The following CSMD1 variants were observed in gnomAD, a reference collection of about 807,000 sequenced individuals.
CSMD1 encodes CUB and Sushi multiple domains 1.
CSMD1 carries 213 observed loss-of-function variants against 417.5 expected under a neutral mutation model. The observed-to-expected ratio is 0.51, with a 90% CI of 0.46 to 0.57. The LOEUF is 0.57. Ranked by LOEUF, CSMD1 falls within the 20% of genes least tolerant of loss-of-function variation. The pLI, the probability that CSMD1 is intolerant of heterozygous loss-of-function variation, is 0.00. For missense variants in CSMD1, 6,923 were observed against 4,529.7 expected (o/e 1.53, Z -15.17); for synonymous variants, 2,862 against 1,736.8 (o/e 1.65, Z -16.11).
chr8:3,958,788 A>G (rs1812136623), intron 5 of CSMD1, among the ~76,000 whole-genome samples: 1 of 152,216 alleles, frequency 6.6e-6, no homozygotes, highest in Admixed American at 6.5e-5. Context: ...GAGGAACGAC[A>G]TTATGGCTTT....
intron 4 of CSMD1, among the ~76,000 whole-genome samples, chr8:3,998,641 G>T (rs748553844): frequency 6.6e-6 from 1 of 152,114 alleles, no homozygotes; most frequent in Non-Finnish European, 1.5e-5. Flanking sequence ...TCATAAAAAG[G>T]TTCTGAGTAG....
chr8:4,604,920 G>C (rs117117164), intron 2 of CSMD1, among the ~76,000 whole-genome samples: 1 of 152,112 alleles, frequency 6.6e-6, no homozygotes, highest in Non-Finnish European at 1.5e-5. Flanking sequence ...TCATGCTTGC[G>C]CATGTCAGAT....
At chr8:4,691,152 G>C (rs970060462) in intron 1 of CSMD1, among the ~76,000 whole-genome samples, 1 of 152,188 alleles carries the variant, frequency 6.6e-6, no homozygotes, top group African/African-American at 2.4e-5. Context: ...TGCAAGGGAA[G>C]GAAGTGAAGG....
chr8:4,770,291 AATAT>A (rs1171132649), intron 1 of CSMD1, among the ~76,000 whole-genome samples: 1 of 148,154 alleles, frequency 6.7e-6, no homozygotes, highest in Non-Finnish European at 1.5e-5. Context: ...TGTGTATGGG[AATAT>A]ATATTATATA....
Position 4,191,717 on chromosome 8 carries a change from T to A in CSMD1, c.416-159618A>T, listed in dbSNP as rs149140024. 4.4e-3 allele frequency among the ~76,000 whole-genome samples: 647 copies of A among 145,718 alleles called. 4 individuals are homozygous for A. The highest frequency in any genetic ancestry group is 8.3e-3 in the South Asian group (37 of 4,440). On this transcript the variant is annotated intron_variant, in intron 3 of 69. Coordinates refer to ENST00000635120, the MANE Select transcript of CSMD1 (RefSeq NM_033225.6). ...CCTTTACCAAATATATATACTCTCC[T>A]TCCACTGAAAAAAGGGAAGGTCATT... is the stretch of plus-strand genomic sequence containing the variant.
chr8:3,225,025 G>A (rs958361019), intron 27 of CSMD1, among the ~76,000 whole-genome samples: 2 of 151,964 alleles, frequency 1.3e-5, no homozygotes, highest in Non-Finnish European at 2.9e-5. Flanking sequence ...TCCCATTATT[G>A]GTCACACATG....
intron 3 of CSMD1, among the ~76,000 whole-genome samples, chr8:4,166,257 T>C (rs1446023062): frequency 1.3e-5 from 2 of 152,228 alleles, no homozygotes; most frequent in Non-Finnish European, 2.9e-5. Context: ...CAATATGCAT[T>C]TGATATAAAA....
chr8:3,544,097 T>G (rs1173289887), intron 10 of CSMD1, among the ~76,000 whole-genome samples: 1 of 152,078 alleles, frequency 6.6e-6, no homozygotes, highest in Non-Finnish European at 1.5e-5. Flanking sequence ...CCAGAGCGAC[T>G]CCATCTTGAG....
chr8:3,851,616 A>G (rs1379347506), intron 5 of CSMD1, among the ~76,000 whole-genome samples: 1 of 152,224 alleles, frequency 6.6e-6, no homozygotes, highest in African/African-American at 2.4e-5. Flanking sequence ...TCACTGGAGA[A>G]AAAAACATCC....
intron 3 of CSMD1, among the ~76,000 whole-genome samples, chr8:4,199,090 C>T (rs1799503471): frequency 2.0e-5 from 3 of 152,266 alleles, no homozygotes; most frequent in Non-Finnish European, 2.9e-5. Flanking sequence ...AGCCAGCGCC[C>T]AGCTCACCCT....
At chr8:3,789,295 A>T (rs1389852886) in intron 5 of CSMD1, among the ~76,000 whole-genome samples, 1 of 151,672 alleles carries the variant, frequency 6.6e-6, no homozygotes, top group Non-Finnish European at 1.5e-5. Context: ...CAAGCTTCCC[A>T]GTTTATATTT....
intron 3 of CSMD1, among the ~76,000 whole-genome samples, chr8:4,286,326 ATTCTT>A (rs1383965620): frequency 1.3e-5 from 2 of 152,108 alleles, no homozygotes; most frequent in Non-Finnish European, 2.9e-5. Flanking sequence ...ACTTTGGAAC[ATTCTT>A]TTATTTTTAA....
At chr8:3,425,472 C>A (rs924198957) in intron 12 of CSMD1, among the ~76,000 whole-genome samples, 4 of 151,556 alleles carry the variant, frequency 2.6e-5, no homozygotes. Flanking sequence ...CCTGTAATCT[C>A]AGCTACTTGG....
chr8:4,935,061 C>G (rs1017173394), intron 1 of CSMD1, among the ~76,000 whole-genome samples: 1 of 152,204 alleles, frequency 6.6e-6, no homozygotes, highest in African/African-American at 2.4e-5. Context: ...TGCAGATAAA[C>G]TTAAAATCCC....
chr8:2,982,314 C>G (rs886662924), intron 54 of CSMD1, among the ~76,000 whole-genome samples: 1 of 152,160 alleles, frequency 6.6e-6, no homozygotes, highest in African/African-American at 2.4e-5. Flanking sequence ...CGAGATCATG[C>G]CACTGCACTG....
intron 26 of CSMD1, among the ~76,000 whole-genome samples, chr8:3,251,000 C>A (rs942389431): frequency 2.0e-5 from 3 of 152,000 alleles, no homozygotes; most frequent in Admixed American, 2.0e-4. Flanking sequence ...AAATTTTCTC[C>A]CATTTTGTAG....
At chr8:4,086,064 C>CA (rs2130830442) in intron 3 of CSMD1, among the ~76,000 whole-genome samples, 1 of 152,302 alleles carries the variant, frequency 6.6e-6, no homozygotes, top group Non-Finnish European at 1.5e-5. Flanking sequence ...CAAGTATCAA[C>CA]AAACGTATTT....
At chr8:3,134,307 C>G (rs744647) in intron 41 of CSMD1, among the ~76,000 whole-genome samples, 25,166 of 152,198 alleles carry the variant, frequency 0.17, 3,894 homozygotes, top group African/African-American at 0.42. Context: ...GTTCCTGAAC[C>G]ATGACCCTGG....
intron 54 of CSMD1, among the ~76,000 whole-genome samples, chr8:2,990,844 G>A (rs181926959): frequency 6.6e-6 from 1 of 152,322 alleles, no homozygotes; most frequent in East Asian, 1.9e-4. Context: ...TTGAGCAAAT[G>A]AGATAGTTTG....
Sources: allele counts gnomAD v4.1 joint callset (sites outside exome capture counted in the v4.1 genomes callset), GRCh38; gene constraint gnomAD v4.1.1; transcripts MANE v1.5; gene names NCBI Gene and HGNC (gene_info 2026-07-23, HGNC 2026-07-21).